GRM4: variants seen among roughly 807,000 people sequenced by gnomAD.
GRM4 encodes the protein glutamate metabotropic receptor 4.
A neutral mutation model predicts 81.7 loss-of-function variants in GRM4; 28 were observed. The ratio of observed to expected loss-of-function variants is 0.34; its 90% CI spans 0.25 to 0.47. The LOEUF (loss-of-function observed/expected upper bound fraction) is 0.47, where lower values mean the gene tolerates loss of function less well. Ranked by LOEUF, GRM4 falls within the 20% of genes least tolerant of loss-of-function variation. The probability of loss-of-function intolerance (pLI) is 1.00; values close to 1 mark genes in which losing one functional copy is unlikely to be tolerated. For missense variants in GRM4, 948 were observed against 1,290.0 expected (o/e 0.73, Z 4.06); for synonymous variants, 488 against 528.8 (o/e 0.92, Z 1.06).
chr6:34,056,322 C>T (rs1265797494), intron 6 of GRM4: 1 of 573,168 alleles, frequency 1.7e-6, no homozygotes, highest in African/African-American at 1.9e-5. Flanking sequence ...GGCCTTACCA[C>T]TCCCAAGGAT....
At chr6:34,148,692 C>T (rs77146408), upstream of GRM4, among the ~76,000 whole-genome samples, 3 of 152,122 alleles carry the variant, frequency 2.0e-5, no homozygotes, top group Admixed American at 6.5e-5. Flanking sequence ...ACCAGGAAGC[C>T]GAGACTTCTG....
At chr6:34,143,702 G>T (rs59829177) in intron 1 of GRM4, among the ~76,000 whole-genome samples, 1,803 of 152,348 alleles carry the variant, frequency 0.012, 26 homozygotes, top group African/African-American at 0.039. Context: ...CATCCCGGGA[G>T]TGTGGGCAGA....
At chr6:34,104,143 G>A (rs1275897569) in intron 2 of GRM4, among the ~76,000 whole-genome samples, 5 of 152,264 alleles carry the variant, frequency 3.3e-5, no homozygotes, top group Non-Finnish European at 7.3e-5. Flanking sequence ...CTGTGGGCCA[G>A]GACACAGGCA....
In GRM4 at chr6:34,143,210, T is replaced by C. The variant is rs554088698; in HGVS notation, c.-364+2790A>G. ...TAAAAGGACAGAAGTTGGAGGAACA[T>C]AAAGACAGCGGCCACCCAATTCACA... On this transcript the variant is annotated intron_variant, in intron 1 of 10. Coordinates refer to ENST00000538487, the MANE Select transcript of GRM4 (RefSeq NM_000841.4). Among the ~76,000 whole-genome samples the C allele has an allele frequency of 1.0e-3, 153 of 152,192 alleles. 1 individual carries two copies. The highest frequency in any genetic ancestry group is 3.3e-3 in the African/African-American group (139 of 41,510).
chr6:34,155,020 T>C (rs113616293), intron 1 of GRM4: 16,681 of 1,360,218 alleles, frequency 0.012, 446 homozygotes, highest in African/African-American at 0.098. Context: ...CCCACAGTGC[T>C]GGGCACCTCC....
chr6:34,120,251 T>C (rs1052890194), intron 2 of GRM4, among the ~76,000 whole-genome samples: 1 of 148,458 alleles, frequency 6.7e-6, no homozygotes, highest in African/African-American at 2.5e-5. Flanking sequence ...CTCTCCAGCA[T>C]GCACACTCTT....
intron 8 of GRM4, among the ~76,000 whole-genome samples, chr6:34,039,665 C>T (rs1018731965): frequency 7.9e-5 from 12 of 152,180 alleles, no homozygotes; most frequent in African/African-American, 2.2e-4. Context: ...TGCCTTCTAT[C>T]GTGCTTTGAT....
chr6:34,121,030 C>T lies in GRM4; in HGVS notation c.519+11948G>A, dbSNP rs1035279497. Among the ~76,000 whole-genome samples, 8 of 152,288 alleles carry T rather than the reference C, an allele frequency of 5.3e-5. No homozygotes were observed. Among genetic ancestry groups the T allele is most frequent in the Non-Finnish European group, 7.3e-5 (5 of 68,032 alleles). On this transcript the variant is annotated intron_variant, in intron 2 of 10. Transcript: ENST00000538487. The surrounding 1 kb of genome is among the most constrained non-coding windows in gnomAD (Gnocchi z 4.6). ...ATGTTTTAAATCATTTATTAAGATACGTGCACACCTTGGTGAAAGAGAGTA... is the reference window on the plus strand; with the variant it reads ...ATGTTTTAAATCATTTATTAAGATATGTGCACACCTTGGTGAAAGAGAGTA...
In GRM4 at chr6:34,133,233, G is replaced by T; in HGVS notation, c.264C>A (p.Arg88=). The T allele has an allele frequency of 6.2e-7, 1 of 1,614,220 alleles. No homozygotes were observed. Among genetic ancestry groups the T allele is most frequent in the Non-Finnish European group, 8.5e-7 (1 of 1,180,026 alleles). ...GCAGCAGGTCCGGGTCGTTGTTGAT[G>T]CGATCCAGGGCGAACAGCATGGCCT... ...RLEAMLFALD[R]INNDPDLLPN... Residue 88 remains arginine (R), a synonymous_variant, in exon 2 of 11, where the codon CGC becomes CGA. Coordinates refer to ENST00000538487, the MANE Select transcript of GRM4 (RefSeq NM_000841.4). This position sits in a 1 kb window ranked among gnomAD's most constrained non-coding sequence, Gnocchi z 6.5.
At chr6:34,112,575 G>A (rs1769429773) in intron 2 of GRM4, among the ~76,000 whole-genome samples, 2 of 152,178 alleles carry the variant, frequency 1.3e-5, no homozygotes, top group Admixed American at 1.3e-4. Flanking sequence ...GTGGAAGGTG[G>A]GGAGTGTGAG....
intron 2 of GRM4, among the ~76,000 whole-genome samples, chr6:34,097,669 ATC>A (rs1186165917): frequency 6.6e-6 from 1 of 152,210 alleles, no homozygotes; most frequent in Non-Finnish European, 1.5e-5. Flanking sequence ...GCTGGTCCAC[ATC>A]CCACACCATC....
chr6:34,098,919 C>T (rs547366431), intron 2 of GRM4, among the ~76,000 whole-genome samples: 1 of 152,212 alleles, frequency 6.6e-6, no homozygotes, highest in East Asian at 1.9e-4. Flanking sequence ...ATGGGGTTGC[C>T]AGCTGCCCTT....
intron 3 of GRM4, among the ~76,000 whole-genome samples, chr6:34,073,798 G>T (rs1055207937): frequency 2.0e-5 from 3 of 152,082 alleles, no homozygotes; most frequent in African/African-American, 7.2e-5. Flanking sequence ...TCCCACGGAG[G>T]CCCTGCGAGG....
chr6:34,084,504 C>T (rs796910396), intron 3 of GRM4, among the ~76,000 whole-genome samples: 9 of 152,234 alleles, frequency 5.9e-5, no homozygotes, highest in African/African-American at 2.2e-4. Context: ...TGAGGGGCAC[C>T]TGCAGGGAGG....
rs1003442398 is a variant in GRM4, at chr6:34,080,206, A to G, written c.736+11677T>C. 6.6e-6 allele frequency among the ~76,000 whole-genome samples: 1 copy of G among 152,132 alleles called. No homozygotes were observed. Among genetic ancestry groups the G allele is most frequent in the Non-Finnish European group, 1.5e-5 (1 of 68,024 alleles). ...TCGCTGCAGCTGGGGATCTGCCAAA[A>G]GTCACCCCTGCAGAAAGCCAGGGTG... On this transcript the variant is annotated intron_variant, in intron 3 of 10. Transcript: ENST00000538487. The surrounding 1 kb of genome is among the most constrained non-coding windows in gnomAD (Gnocchi z 5.4).
At chr6:34,040,784 G>A (rs1764986450) in intron 6 of GRM4, 36 bp from the exon 7 acceptor site, 33 of 1,554,898 alleles carry the variant, frequency 2.1e-5, no homozygotes, top group Middle Eastern at 1.7e-4. Flanking sequence ...ACACTCGTGA[G>A]GCCCACTGTC....
intron 7 of GRM4, 76 bp from the exon 8 acceptor site, chr6:34,040,390 T>C: frequency 2.0e-6 from 3 of 1,515,940 alleles, no homozygotes; most frequent in Non-Finnish European, 2.7e-6. Flanking sequence ...GGCAGAGACC[T>C]CTCTGACACA....
Position 34,143,472 on chromosome 6 carries a change from T to C in GRM4, c.-364+2528A>G, listed in dbSNP as rs1377796332. Among the ~76,000 whole-genome samples, 3 of 152,214 alleles carry C rather than the reference T, an allele frequency of 2.0e-5. No individual in the cohort carries two copies. The East Asian group carries it at 5.8e-4, about 29-fold the overall frequency. On this transcript the variant is annotated intron_variant, in intron 1 of 10. Transcript: ENST00000538487. ...AAGAGGTGACGAGGCCCCTGCGCTATGGGTGCTCACACCCCAGAGTACCCA... is the reference window on the plus strand; with the variant it reads ...AAGAGGTGACGAGGCCCCTGCGCTACGGGTGCTCACACCCCAGAGTACCCA...
chr6:34,087,125 CA>C (rs377361811), intron 3 of GRM4, among the ~76,000 whole-genome samples: 91 of 120,618 alleles, frequency 7.5e-4, no homozygotes, highest in East Asian at 9.6e-4. Context: ...ACCCAATCTC[CA>C]AAAAAAAAAA....
Sources: allele counts gnomAD v4.1 joint callset (sites outside exome capture counted in the v4.1 genomes callset), GRCh38; gene constraint gnomAD v4.1.1; non-coding constraint Gnocchi (gnomAD v3.1); transcripts MANE v1.5; gene names NCBI Gene and HGNC (gene_info 2026-07-23, HGNC 2026-07-21).